SEMA3A: variants seen among roughly 807,000 people sequenced by gnomAD.
The protein encoded by SEMA3A is semaphorin-3A.
Under a neutral mutation model 97.9 loss-of-function variants are expected in SEMA3A, and 29 were observed. That is an observed-to-expected ratio of 0.30 (90% CI 0.22 to 0.40). The LOEUF is 0.40. Among genes scored for constraint, SEMA3A ranks in the 10% least tolerant of loss-of-function variants. The probability of loss-of-function intolerance (pLI) is 1.00; values close to 1 mark genes in which losing one functional copy is unlikely to be tolerated. For synonymous variants in SEMA3A, 321 were observed against 323.7 expected, an observed-to-expected ratio of 0.99 and a Z score of 0.09; for missense variants, 763 against 951.3, an observed-to-expected ratio of 0.80 and a Z score of 2.60.
At chr7:84,076,265 T>C (rs1238420967) in intron 4 of SEMA3A, among the ~76,000 whole-genome samples, 8 of 152,164 alleles carry the variant, frequency 5.3e-5, no homozygotes, top group Non-Finnish European at 4.4e-5. Context: ...AAGTGCTTTG[T>C]AGGTATTTAC....
At chr7:84,188,952 C>T (rs1440978098) in intron 1 of SEMA3A, among the ~76,000 whole-genome samples, 2 of 151,728 alleles carry the variant, frequency 1.3e-5, no homozygotes, top group Non-Finnish European at 1.5e-5. Flanking sequence ...GTCTGCACAC[C>T]TTATTCTGTG....
chr7:84,349,710 T>C (rs913665124), intron 2 of SEMA3A, among the ~76,000 whole-genome samples: 1 of 152,222 alleles, frequency 6.6e-6, no homozygotes, highest in Admixed American at 6.5e-5. Flanking sequence ...ATGGCCTCCA[T>C]ATAAATTATT....
chr7:84,020,425 C>T (rs1584554995), intron 6 of SEMA3A, among the ~76,000 whole-genome samples: 1 of 150,264 alleles, frequency 6.7e-6, no homozygotes, highest in African/African-American at 2.4e-5. Context: ...TGTCAACTTT[C>T]CTATTTTTTT....
chr7:84,002,952 A>T (rs1380583940), intron 11 of SEMA3A, among the ~76,000 whole-genome samples: 1 of 152,140 alleles, frequency 6.6e-6, no homozygotes, highest in Non-Finnish European at 1.5e-5. Context: ...CCTTGATGGA[A>T]TGAGGAACAG....
At chr7:84,265,252 A>G (rs1205671408) in intron 3 of SEMA3A, among the ~76,000 whole-genome samples, 1 of 151,776 alleles carries the variant, frequency 6.6e-6, no homozygotes, top group Non-Finnish European at 1.5e-5. Context: ...TTGTCTTTTT[A>G]TCCCCATGAA....
intron 1 of SEMA3A, among the ~76,000 whole-genome samples, chr7:84,404,453 C>A (rs141658186): frequency 0.096 from 14,596 of 151,880 alleles, 1,227 homozygotes; most frequent in African/African-American, 0.21. Flanking sequence ...GAATGGAACC[C>A]AGTTGGAAAA....
At chr7:84,175,248 T>C (rs1200601239) in intron 1 of SEMA3A, among the ~76,000 whole-genome samples, 2 of 152,216 alleles carry the variant, frequency 1.3e-5, no homozygotes, top group Non-Finnish European at 2.9e-5. Context: ...CATGGGATAG[T>C]TTACATAAAT....
At chr7:84,275,451 G>C (rs1166173805) in intron 3 of SEMA3A, among the ~76,000 whole-genome samples, 1 of 152,058 alleles carries the variant, frequency 6.6e-6, no homozygotes, top group Non-Finnish European at 1.5e-5. Flanking sequence ...TCTTGAAGAT[G>C]AATAGCATTT....
At chr7:84,129,078 G>A in intron 3 of SEMA3A, 45 bp downstream of exon 3, 1 of 1,428,152 alleles carries the variant, frequency 7.0e-7, no homozygotes. Context: ...CATTTTGAAT[G>A]AAGGATACTC....
At chr7:84,175,714 G>C (rs1003361836) in intron 1 of SEMA3A, among the ~76,000 whole-genome samples, 1 of 142,420 alleles carries the variant, frequency 7.0e-6, no homozygotes, top group African/African-American at 2.6e-5. Context: ...TGAATGTTAT[G>C]GTTGGAAACC....
chr7:84,186,294 A>G (rs1354147406), intron 1 of SEMA3A, among the ~76,000 whole-genome samples: 4 of 152,076 alleles, frequency 2.6e-5, no homozygotes, highest in African/African-American at 9.7e-5. Context: ...CCAAGAATCT[A>G]TTCATAAAGA....
intron 1 of SEMA3A, among the ~76,000 whole-genome samples, chr7:84,404,750 A>G (rs1281824766): frequency 6.6e-6 from 1 of 152,198 alleles, no homozygotes; most frequent in Non-Finnish European, 1.5e-5. Flanking sequence ...CAACATTCTT[A>G]AAGGAAAGAA....
intron 11 of SEMA3A, among the ~76,000 whole-genome samples, chr7:84,002,841 G>A (rs1790516692): frequency 6.6e-6 from 1 of 152,092 alleles, no homozygotes. Flanking sequence ...AATTTGCATT[G>A]TTAAAAGAGA....
intron 5 of SEMA3A, among the ~76,000 whole-genome samples, chr7:84,052,521 G>T (rs1234704797): frequency 6.6e-6 from 1 of 152,134 alleles, no homozygotes; most frequent in Non-Finnish European, 1.5e-5. Context: ...AGTATTCTCT[G>T]ATGGTAGTTT....
intron 1 of SEMA3A, among the ~76,000 whole-genome samples, chr7:84,135,233 C>T (rs1796090588): frequency 1.3e-5 from 2 of 151,694 alleles, no homozygotes; most frequent in Non-Finnish European, 2.9e-5. Flanking sequence ...ACCTCAGCCT[C>T]CCGAGTAGCT....
At chr7:84,285,562 T>C (rs940930779) in intron 3 of SEMA3A, among the ~76,000 whole-genome samples, 1 of 152,182 alleles carries the variant, frequency 6.6e-6, no homozygotes, top group Non-Finnish European at 1.5e-5. Flanking sequence ...AATTCAAGCA[T>C]AATAAATCTT....
intron 3 of SEMA3A, among the ~76,000 whole-genome samples, chr7:84,229,920 C>T (rs1273688491): frequency 6.6e-6 from 1 of 151,942 alleles, no homozygotes; most frequent in Non-Finnish European, 1.5e-5. Flanking sequence ...TCAATCTCTA[C>T]TTCCCTTTAC....
At chr7:84,349,237 T>A (rs748384105) in intron 2 of SEMA3A, among the ~76,000 whole-genome samples, 3 of 152,146 alleles carry the variant, frequency 2.0e-5, no homozygotes, top group African/African-American at 7.2e-5. Context: ...TACACCTCCA[T>A]GTACGTTATG....
At chr7:84,476,385 T>A (rs1371952278) in intron 1 of SEMA3A, among the ~76,000 whole-genome samples, 10 of 149,718 alleles carry the variant, frequency 6.7e-5, no homozygotes, top group South Asian at 2.1e-4. Context: ...AAAGAAAAAA[T>A]TTTTTTTCAA....
Sources: allele counts gnomAD v4.1 joint callset (sites outside exome capture counted in the v4.1 genomes callset), GRCh38; gene constraint gnomAD v4.1.1; transcripts MANE v1.5; gene names NCBI Gene and HGNC (gene_info 2026-07-23, HGNC 2026-07-21).